ANKDD1A: variants seen among roughly 807,000 people sequenced by gnomAD.
The protein encoded by ANKDD1A is ankyrin repeat and death domain-containing protein 1A.
In ANKDD1A, 59 loss-of-function variants were observed where a neutral mutation model predicts 63.5. That is an observed-to-expected ratio of 0.93 (90% CI 0.75 to 1.15). The LOEUF (loss-of-function observed/expected upper bound fraction) is 1.15, where lower values mean the gene tolerates loss of function less well. Ranked by LOEUF, ANKDD1A falls within the 50% of genes most tolerant of loss-of-function variation. ANKDD1A has a pLI of 0.00. For synonymous variants in ANKDD1A, 266 were observed against 263.9 expected, an observed-to-expected ratio of 1.01 and a Z score of -0.08; for missense variants, 632 against 656.4, an observed-to-expected ratio of 0.96 and a Z score of 0.41.
At chr15:64,920,760 C>CAATATAA (rs908154757) in intron 3 of ANKDD1A, among the ~76,000 whole-genome samples, 11 of 152,178 alleles carry the variant, frequency 7.2e-5, no homozygotes, top group African/African-American at 2.6e-4. Flanking sequence ...ATTGCCCAGG[C>CAATATAA]TGGTCTTGAA....
At chr15:64,937,421 A>G (rs372310228) in intron 9 of ANKDD1A, among the ~76,000 whole-genome samples, 1 of 152,290 alleles carries the variant, frequency 6.6e-6, no homozygotes, top group East Asian at 1.9e-4. Flanking sequence ...ATGGAATACT[A>G]TGTAACTATA....
intron 9 of ANKDD1A, among the ~76,000 whole-genome samples, chr15:64,941,256 G>A (rs2085182903): frequency 6.6e-6 from 1 of 152,110 alleles, no homozygotes; most frequent in African/African-American, 2.4e-5. Flanking sequence ...TCTTCTGTAT[G>A]ACTTTATTCT....
intron 14 of ANKDD1A, among the ~76,000 whole-genome samples, chr15:64,954,110 CCTTT>C (rs377322599): frequency 6.2e-5 from 8 of 128,706 alleles, no homozygotes; most frequent in East Asian, 2.4e-4. Context: ...TTTTCTTCTT[CCTTT>C]CTTTTCTCCT....
intron 14 of ANKDD1A, chr15:64,951,457 CTTTTCTCTTTTTTCT>C (rs2085274730): frequency 3.2e-5 from 1 of 31,312 alleles, no homozygotes; most frequent in Admixed American, 1.4e-3. Flanking sequence ...CCTTTCTTTT[CTTTTCTCTTTTTTCT>C]TTTCTTCTTC....
At chr15:64,917,931 T>C (rs373048698) in intron 3 of ANKDD1A, among the ~76,000 whole-genome samples, 8 of 152,214 alleles carry the variant, frequency 5.3e-5, no homozygotes, top group Non-Finnish European at 7.3e-5. Context: ...AGTTAACCAA[T>C]TGGCAGGCAG....
intron 3 of ANKDD1A, among the ~76,000 whole-genome samples, chr15:64,920,475 G>A (rs2085000217): frequency 6.6e-6 from 1 of 152,206 alleles, no homozygotes; most frequent in Non-Finnish European, 1.5e-5. Context: ...GCCAGTGTTT[G>A]ACTGCGCAGG....
At chr15:64,914,433 A>G (rs1257497753) in intron 1 of ANKDD1A, among the ~76,000 whole-genome samples, 2 of 152,228 alleles carry the variant, frequency 1.3e-5, no homozygotes, top group African/African-American at 2.4e-5. Flanking sequence ...GACTACAGGC[A>G]TGTGCCACCA....
In ANKDD1A at chr15:64,957,672, T is replaced by C. The variant is rs1171132984; in HGVS notation, c.*484T>C. On this transcript the variant is annotated 3_prime_UTR_variant, in exon 15 of 15. Transcript: ENST00000319580. Reference sequence around the variant, plus strand: ...TTCATGTGTCTGCTTCTATTGCATATTGTAAAATTATTAACTACTTCCCAA... The same window carrying C: ...TTCATGTGTCTGCTTCTATTGCATACTGTAAAATTATTAACTACTTCCCAA... 1 of 152,278 alleles carries C rather than the reference T, an allele frequency of 6.6e-6. No individual in the cohort carries two copies. Among genetic ancestry groups the C allele is most frequent in the Non-Finnish European group, 1.5e-5 (1 of 68,076 alleles). 9.4% of individuals were successfully genotyped at this position (152,278 alleles called of 1,614,324 possible).
Position 64,943,289 on chromosome 15 carries a change from G to T in ANKDD1A, c.967-195G>T, listed in dbSNP as rs1420451704. ...GTTTATAGTACACAAAAAGTGTCAT[G>T]TTGGGGTAAAAAAATTAAGATGTAA... On this transcript the variant is annotated intron_variant, in intron 10 of 14. Coordinates refer to ENST00000319580, the MANE Select transcript of ANKDD1A (RefSeq NM_182703.6). 5.2e-6 allele frequency: 3 copies of T among 580,170 alleles called. No homozygotes were observed. The East Asian group carries it at 8.5e-5, about 16-fold the overall frequency. 35.9% of individuals were successfully genotyped at this position (580,170 alleles called of 1,614,324 possible).
Position 64,944,686 on chromosome 15 carries a change from G to C in ANKDD1A, c.1100G>C (p.Ser367Thr), listed in dbSNP as rs754655459. 18 of 1,614,014 alleles carry C rather than the reference G, an allele frequency of 1.1e-5. No homozygotes were observed. In the South Asian group the frequency reaches 1.9e-4, roughly 17 times the overall value. Reference sequence around the variant, plus strand: ...ACCGCCCTGGCAGTGGCCGTCCGCAGCAACCATGTCAGCCTGGTGGACATG... The same window carrying C: ...ACCGCCCTGGCAGTGGCCGTCCGCACCAACCATGTCAGCCTGGTGGACATG... ...GKTALAVAVR[S>T]NHVSLVDMII... The change falls in exon 12 of 15, where the codon AGC (serine) becomes ACC (threonine). Residue 367 changes from serine (S) to threonine (T), a missense_variant. Coordinates refer to ENST00000319580, the MANE Select transcript of ANKDD1A (RefSeq NM_182703.6).
intron 12 of ANKDD1A, among the ~76,000 whole-genome samples, chr15:64,946,379 A>G (rs2085222913): frequency 6.6e-6 from 1 of 152,236 alleles, no homozygotes; most frequent in Non-Finnish European, 1.5e-5. Context: ...AAATTTCAGT[A>G]GGAATCATAA....
At chr15:64,915,715 A>G in intron 1 of ANKDD1A, 82 bp from the exon 2 acceptor site, 1 of 1,183,198 alleles carries the variant, frequency 8.5e-7, no homozygotes, top group Non-Finnish European at 1.3e-6. Context: ...AATGTTCAGG[A>G]GTGGAAATGG....
rs1382918011 is a variant in ANKDD1A, at chr15:64,953,959, CTT to C, written c.1484-3138_1484-3137del. Among the ~76,000 whole-genome samples the C allele has an allele frequency of 5.8e-5, 6 of 104,070 alleles. No homozygotes were observed. In the East Asian group the frequency reaches 1.0e-3, roughly 18 times the overall value. The allele number at this position is 104,070 out of a possible 152,430, so 68.3% of individuals were successfully genotyped here. A position where few individuals can be genotyped will look rare whatever the true frequency, so the allele number is the denominator to read the frequency against. On this transcript the variant is annotated intron_variant, in intron 14 of 14. Transcript: ENST00000319580. ...TTTTCTTCCTCTTCTTCTATTGTTTCTTTTTTTCTTCTTTCTTCCTCTATCTT... is the reference window on the plus strand; with the variant it reads ...TTTTCTTCCTCTTCTTCTATTGTTTCTTTTTCTTCTTTCTTCCTCTATCTT...
intron 1 of ANKDD1A, chr15:64,913,993 C>CTTTTTCTTTTCT (rs2140362487): frequency 6.9e-6 from 1 of 145,154 alleles, no homozygotes; most frequent in Admixed American, 6.8e-5. Flanking sequence ...TTTCTGTTTT[C>CTTTTTCTTTTCT]TTTTTTTTTT....
chr15:64,913,556 A>G (rs1469949309), intron 1 of ANKDD1A, among the ~76,000 whole-genome samples: 1 of 152,184 alleles, frequency 6.6e-6, no homozygotes, highest in African/African-American at 2.4e-5. Flanking sequence ...CACAGCTAGG[A>G]AGTGGTTAAG....
intron 14 of ANKDD1A, among the ~76,000 whole-genome samples, chr15:64,952,343 T>C: frequency 6.8e-6 from 1 of 146,322 alleles, no homozygotes; most frequent in Non-Finnish European, 1.5e-5. Context: ...TTCTCCTTCT[T>C]CTTAGTTCTT....
At chr15:64,935,367 C>A (rs2140374600) in intron 9 of ANKDD1A, among the ~76,000 whole-genome samples, 1 of 151,558 alleles carries the variant, frequency 6.6e-6, no homozygotes, top group African/African-American at 2.4e-5. Flanking sequence ...CCCATCTCTA[C>A]AAAAATATAG....
intron 14 of ANKDD1A, among the ~76,000 whole-genome samples, chr15:64,954,071 TCCTCTTTTCTTCTTCTTTCTCCTC>T (rs2085373212): frequency 6.5e-4 from 13 of 20,136 alleles, no homozygotes; most frequent in African/African-American, 8.1e-4. Flanking sequence ...TCTTTCTTCT[TCCTCTTTTCTTCTTCTTTCTCCTC>T]CCTCTTTTCT....
At chr15:64,943,817 G>A in intron 11 of ANKDD1A, 1 of 549,040 alleles carries the variant, frequency 1.8e-6, no homozygotes, top group Non-Finnish European at 3.3e-6. Context: ...ATAGGCCTGT[G>A]AAATGATTGC....
Sources: gnomAD v4.1 joint callset for allele counts (sites outside exome capture counted in the v4.1 genomes callset) on GRCh38, gnomAD v4.1.1 for gene constraint, MANE v1.5 for transcripts, NCBI Gene and HGNC (gene_info 2026-07-23, HGNC 2026-07-21) for gene names.